MYCBP2: variants seen among roughly 807,000 people sequenced by gnomAD.
MYCBP2 encodes the protein E3 ubiquitin-protein ligase MYCBP2.
A neutral mutation model predicts 525.3 loss-of-function variants in MYCBP2; 120 were observed. The observed-to-expected ratio is 0.23, with a 90% CI of 0.20 to 0.27. MYCBP2 has a LOEUF of 0.27. Ranked by LOEUF, MYCBP2 falls within the 10% of genes least tolerant of loss-of-function variation. The probability of loss-of-function intolerance (pLI) is 1.00; values close to 1 mark genes in which losing one functional copy is unlikely to be tolerated. For missense variants in MYCBP2, 4,149 were observed against 5,657.1 expected (o/e 0.73, Z 8.55); for synonymous variants, 1,894 against 1,955.8 (o/e 0.97, Z 0.83).
rs201029559 is a variant in MYCBP2, at chr13:77,058,416, A to T, written c.13141-10T>A. The T allele has an allele frequency of 1.5e-3, 2,412 of 1,569,360 alleles. 2 individuals carry two copies. Among genetic ancestry groups the T allele is most frequent in the Non-Finnish European group, 1.8e-3 (2,103 of 1,154,902 alleles). ...CTATCTTAGCGTATTCCTGTTAAAG[A>T]TGAATTACAATGTTACACAAGTATG... On this transcript the variant is annotated splice_polypyrimidine_tract_variant and intron_variant, in intron 77 of 82. Transcript: ENST00000544440. This position sits in a 1 kb window ranked among gnomAD's most constrained non-coding sequence, Gnocchi z 4.1.
chr13:77,180,549 C>T (rs929642154), intron 33 of MYCBP2, among the ~76,000 whole-genome samples: 2 of 152,122 alleles, frequency 1.3e-5, no homozygotes, highest in South Asian at 2.1e-4. Flanking sequence ...TTTTTATTAG[C>T]TTTGAGTCCT....
chr13:77,087,108 G>T (rs1411563867), intron 62 of MYCBP2, among the ~76,000 whole-genome samples: 1 of 152,090 alleles, frequency 6.6e-6, no homozygotes, highest in Non-Finnish European at 1.5e-5. Context: ...TGATAATGTT[G>T]CTTGATATCC....
At chr13:77,080,107 C>T (rs2043044963) in intron 65 of MYCBP2, among the ~76,000 whole-genome samples, 1 of 152,170 alleles carries the variant, frequency 6.6e-6, no homozygotes, top group Non-Finnish European at 1.5e-5. Context: ...ACTTGACTTT[C>T]CAGTAAGATA....
At position 77,278,542 on chromosome 13, in the gene MYCBP2, T is replaced by C. The variant is rs149338680; in HGVS notation, c.748+216A>G. Among the ~76,000 whole-genome samples the C allele has an allele frequency of 7.4e-4, 113 of 152,340 alleles. 2 individuals are homozygous for C. In the East Asian group the frequency reaches 0.021, roughly 28 times the overall value. On this transcript the variant is annotated intron_variant, in intron 4 of 82. Transcript: ENST00000544440. ...CTCTTCACTTTTTAAAAACTGCAAA[T>C]TGACAATTTATAATTATATAAATTT...
intron 47 of MYCBP2, 39 bp downstream of exon 47, chr13:77,150,695 C>G: frequency 1.3e-6 from 2 of 1,580,234 alleles, no homozygotes; most frequent in Non-Finnish European, 1.7e-6. Context: ...TAAACAAATG[C>G]TGAAAACTAA....
chr13:77,311,493 C>T (rs1253962908), intron 1 of MYCBP2, among the ~76,000 whole-genome samples: 1 of 150,656 alleles, frequency 6.6e-6, no homozygotes, highest in African/African-American at 2.4e-5. Flanking sequence ...AAATATGCTA[C>T]ATTGAGGAAA....
chr13:77,132,882 T>C (rs2053133352), intron 52 of MYCBP2, among the ~76,000 whole-genome samples: 1 of 152,180 alleles, frequency 6.6e-6, no homozygotes, highest in Admixed American at 6.5e-5. Flanking sequence ...AACATTCTAC[T>C]AGCTCACATT....
At chr13:77,130,491 A>G (rs1332652343) in intron 52 of MYCBP2, among the ~76,000 whole-genome samples, 1 of 152,008 alleles carries the variant, frequency 6.6e-6, no homozygotes, top group Admixed American at 6.6e-5. Flanking sequence ...TAATTCATAA[A>G]TATAAGACAT....
chr13:77,162,586 A>T (rs1410291155), intron 43 of MYCBP2, among the ~76,000 whole-genome samples: 1 of 152,188 alleles, frequency 6.6e-6, no homozygotes, highest in African/African-American at 2.4e-5. Flanking sequence ...TCAACAGCCT[A>T]TGTGTTGTTC....
At chr13:77,259,662 C>T (rs2072904815) in intron 13 of MYCBP2, among the ~76,000 whole-genome samples, 1 of 152,194 alleles carries the variant, frequency 6.6e-6, no homozygotes, top group Non-Finnish European at 1.5e-5. Flanking sequence ...AAATGTTCTA[C>T]AGGTGTAATT....
intron 43 of MYCBP2, among the ~76,000 whole-genome samples, chr13:77,162,337 T>C (rs1290079417): frequency 6.6e-6 from 1 of 152,228 alleles, no homozygotes; most frequent in Non-Finnish European, 1.5e-5. Context: ...ATGACTTTAG[T>C]AAACAACAGG....
intron 17 of MYCBP2, among the ~76,000 whole-genome samples, chr13:77,241,230 T>C (rs192196792): frequency 2.6e-5 from 4 of 152,320 alleles, no homozygotes; most frequent in Admixed American, 2.0e-4. Flanking sequence ...AAGTTATCAA[T>C]GCACGATTCA....
Position 77,185,238 on chromosome 13 carries a change from G to A in MYCBP2, c.4584C>T (p.Leu1528=). Residue 1528 remains leucine, a synonymous_variant, in exon 32 of 83, where the codon CTC becomes CTT. Coordinates refer to ENST00000544440, the MANE Select transcript of MYCBP2 (RefSeq NM_015057.5). ...VKLDNDPQGY[L]SQPLSLLEAV... is the part of the protein sequence containing the mutation. ...CTTCTAGAAGACTCAAGGGTTGACT[G>A]AGATATCCTTGAGGATCATTATCCA... 1 of 1,614,154 alleles carries A rather than the reference G, an allele frequency of 6.2e-7. No homozygotes were observed.
intron 82 of MYCBP2, among the ~76,000 whole-genome samples, chr13:77,047,343 C>T (rs2035777713): frequency 6.6e-6 from 1 of 152,248 alleles, no homozygotes; most frequent in South Asian, 2.1e-4. Flanking sequence ...AAAATAGACA[C>T]AGCAATACCT....
chr13:77,136,353 A>G (rs2053761071), intron 52 of MYCBP2, among the ~76,000 whole-genome samples: 1 of 151,804 alleles, frequency 6.6e-6, no homozygotes, highest in Non-Finnish European at 1.5e-5. Flanking sequence ...CATTTTTCCA[A>G]CTCTTTAACT....
At position 77,125,123 on chromosome 13, in the gene MYCBP2, G is replaced by A. The variant is rs112698039; in HGVS notation, c.8017+213C>T. ...TTATAAAGATGAGTCTATATGTTTCGAATTTTCTTTTAATTTTCTTCTTTA... is the reference window on the plus strand; with the variant it reads ...TTATAAAGATGAGTCTATATGTTTCAAATTTTCTTTTAATTTTCTTCTTTA... On this transcript the variant is annotated intron_variant, in intron 54 of 82. Transcript: ENST00000544440. 2.8e-4 allele frequency among the ~76,000 whole-genome samples: 42 copies of A among 152,172 alleles called. 1 individual carries two copies. The highest frequency in any genetic ancestry group is 7.5e-4 in the African/African-American group (31 of 41,534).
intron 24 of MYCBP2, among the ~76,000 whole-genome samples, chr13:77,206,012 AC>A (rs1270694184): frequency 5.3e-5 from 8 of 152,200 alleles, no homozygotes. Flanking sequence ...GAAAAAAGAA[AC>A]AAAGAGTTAT....
chr13:77,284,308 G>C (rs187501016), intron 3 of MYCBP2, among the ~76,000 whole-genome samples: 1 of 152,094 alleles, frequency 6.6e-6, no homozygotes, highest in Non-Finnish European at 1.5e-5. Context: ...CACTTAGGAG[G>C]AGCAACAGAG....
chr13:77,121,010 G>A (rs1487282286), intron 55 of MYCBP2, among the ~76,000 whole-genome samples: 1 of 151,942 alleles, frequency 6.6e-6, no homozygotes, highest in Admixed American at 6.6e-5. Context: ...GATCATTTGA[G>A]CAAGTTCTCT....
Sources: allele counts gnomAD v4.1 joint callset (sites outside exome capture counted in the v4.1 genomes callset), GRCh38; gene constraint gnomAD v4.1.1; non-coding constraint Gnocchi (gnomAD v3.1); transcripts MANE v1.5; gene names NCBI Gene and HGNC (gene_info 2026-07-23, HGNC 2026-07-21).